Variants in ASXL3 observed in about 807,000 individuals in gnomAD.
ASXL3 encodes ASXL transcriptional regulator 3.
Under a neutral mutation model 170.6 loss-of-function variants are expected in ASXL3, and 34 were observed. The ratio of observed to expected loss-of-function variants is 0.20; its 90% confidence interval spans 0.15 to 0.27. ASXL3 has a LOEUF of 0.27. Ranked by LOEUF, ASXL3 falls within the 10% of genes least tolerant of loss-of-function variation. The pLI is 1.00. For missense variants in ASXL3, 2,592 were observed against 2,695.3 expected, an observed-to-expected ratio of 0.96 and a Z score of 0.85; for synonymous variants, 1,002 against 989.1, an observed-to-expected ratio of 1.01 and a Z score of -0.24.
intron 4 of ASXL3, among the ~76,000 whole-genome samples, chr18:33,657,134 G>A (rs1052001746): frequency 2.0e-5 from 3 of 152,090 alleles, no homozygotes; most frequent in African/African-American, 7.2e-5. Flanking sequence ...TAGGGGAGGA[G>A]CAAGTCTACC....
At chr18:33,705,952 TCAA>T (rs372885537) in intron 8 of ASXL3, among the ~76,000 whole-genome samples, 1 of 151,868 alleles carries the variant, frequency 6.6e-6, no homozygotes, top group African/African-American at 2.4e-5. Flanking sequence ...TTTTTCACCA[TCAA>T]CTACTTTTGT....
At chr18:33,665,414 A>G (rs902084679) in intron 5 of ASXL3, among the ~76,000 whole-genome samples, 34 of 152,228 alleles carry the variant, frequency 2.2e-4, no homozygotes, top group African/African-American at 8.2e-4. Context: ...GGGCATTGAC[A>G]TTTATCACAC....
At chr18:33,661,765 C>G in intron 5 of ASXL3, 28 bp downstream of exon 5, 1 of 1,606,094 alleles carries the variant, frequency 6.2e-7, no homozygotes, top group Non-Finnish European at 8.5e-7. Context: ...TATTCTTTGT[C>G]CTTCAGTTCT....
intron 8 of ASXL3, among the ~76,000 whole-genome samples, chr18:33,731,556 G>A (rs77119207): frequency 0.024 from 3,584 of 152,108 alleles, 156 homozygotes; most frequent in African/African-American, 0.082. Flanking sequence ...TATATTCTCC[G>A]AGCTTTTACA....
chr18:33,640,751 AT>A (rs2065834081), intron 2 of ASXL3, among the ~76,000 whole-genome samples: 1 of 151,936 alleles, frequency 6.6e-6, no homozygotes, highest in South Asian at 2.1e-4. Flanking sequence ...AGCATTATTA[AT>A]TTTTTTGAAA....
chr18:33,724,423 A>G (rs1318835945), intron 8 of ASXL3, among the ~76,000 whole-genome samples: 1 of 152,060 alleles, frequency 6.6e-6, no homozygotes, highest in Non-Finnish European at 1.5e-5. Flanking sequence ...GATCTTAGAA[A>G]CTTATATTCA....
chr18:33,709,070 C>A (rs1423292877), intron 8 of ASXL3, among the ~76,000 whole-genome samples: 1 of 151,976 alleles, frequency 6.6e-6, no homozygotes, highest in Admixed American at 6.6e-5. Flanking sequence ...ATAAATGAAA[C>A]CACAGTGTAA....
intron 2 of ASXL3, among the ~76,000 whole-genome samples, chr18:33,618,337 C>T (rs1432411029): frequency 6.6e-6 from 1 of 151,734 alleles, no homozygotes; most frequent in African/African-American, 2.4e-5. Flanking sequence ...TGCAAGATGT[C>T]TATATGATAT....
chr18:33,698,543 C>G lies in ASXL3; in HGVS notation c.879+14975C>G, dbSNP rs896528362. 3.9e-5 allele frequency among the ~76,000 whole-genome samples: 6 copies of G among 151,946 alleles called. No homozygotes were observed. In the East Asian group the frequency reaches 1.2e-3, roughly 29 times the overall value. On this transcript the variant is annotated intron_variant, in intron 8 of 11. Transcript: ENST00000269197. Reference sequence around the variant, plus strand: ...GGTGGAGTTAAAAGGAATTGGGAACCATTGATGTATGCCTGTTAATTAAAA... The same window carrying G: ...GGTGGAGTTAAAAGGAATTGGGAACGATTGATGTATGCCTGTTAATTAAAA...
intron 4 of ASXL3, among the ~76,000 whole-genome samples, chr18:33,652,264 A>G (rs2066010359): frequency 6.6e-6 from 1 of 152,096 alleles, no homozygotes; most frequent in Non-Finnish European, 1.5e-5. Context: ...CCTAACACAT[A>G]TTAAGTTGAC....
chr18:33,749,058 G>C lies in ASXL3; in HGVS notation c.*2463G>C, dbSNP rs2067843537. 7.0e-6 allele frequency: 1 copy of C among 143,812 alleles called. No individual in the cohort carries two copies. Among genetic ancestry groups the C allele is most frequent in the African/African-American group, 2.6e-5 (1 of 38,528 alleles). 8.9% of individuals were successfully genotyped at this position (143,812 alleles called of 1,614,324 possible). The stretch of plus-strand genomic sequence containing the variant: ...GGATTCTATCATCCAGGTCCGATTA[G>C]CATAATTTTTCTGCGCCCTTTTTTT... On this transcript the variant is annotated 3_prime_UTR_variant, in exon 12 of 12. Transcript: ENST00000269197.
chr18:33,676,179 G>A (rs1162092544), intron 7 of ASXL3, among the ~76,000 whole-genome samples: 1 of 133,194 alleles, frequency 7.5e-6, no homozygotes, highest in Non-Finnish European at 1.5e-5. Context: ...ATCTGAGATG[G>A]CACCACTGCA....
At chr18:33,662,718 AT>A (rs1273531457) in intron 5 of ASXL3, among the ~76,000 whole-genome samples, 1 of 152,120 alleles carries the variant, frequency 6.6e-6, no homozygotes, top group Admixed American at 6.6e-5. Flanking sequence ...TTCTATAACA[AT>A]TCCCCCTTCA....
In ASXL3 at chr18:33,732,141, T is replaced by G. The variant is rs2067460006; in HGVS notation, c.976+77T>G. 9 of 1,187,290 alleles carry G rather than the reference T, an allele frequency of 7.6e-6. No individual in the cohort carries two copies. In the South Asian group the frequency reaches 1.4e-4, roughly 18 times the overall value. The allele number at this position is 1,187,290 out of a possible 1,614,324, so 73.5% of individuals were successfully genotyped here. A position where few individuals can be genotyped will look rare whatever the true frequency, so the allele number is the denominator to read the frequency against. The stretch of plus-strand genomic sequence containing the variant: ...ACTGAGCTTGTACCTTTCTCTGATT[T>G]TTCAGTCTTTTCCCCGACACAGTAC... On this transcript the variant is annotated intron_variant, in intron 9 of 11. Transcript: ENST00000269197.
chr18:33,607,021 C>T (rs7227291), intron 1 of ASXL3, among the ~76,000 whole-genome samples: 2 of 151,676 alleles, frequency 1.3e-5, no homozygotes, highest in African/African-American at 2.4e-5. Flanking sequence ...TAGGCTAAAT[C>T]GGAAGAGGAA....
chr18:33,683,957 A>G (rs2066553123), intron 8 of ASXL3, among the ~76,000 whole-genome samples: 2 of 152,198 alleles, frequency 1.3e-5, no homozygotes, highest in Non-Finnish European at 2.9e-5. Flanking sequence ...ATCCTCAACT[A>G]TTTCCAAAAG....
At chr18:33,703,292 C>G (rs2066907563) in intron 8 of ASXL3, among the ~76,000 whole-genome samples, 4 of 152,128 alleles carry the variant, frequency 2.6e-5, no homozygotes, top group Admixed American at 2.6e-4. Flanking sequence ...GTCTTCCTCT[C>G]TACCTGGACA....
chr18:33,640,145 T>C (rs1276530358), intron 2 of ASXL3, among the ~76,000 whole-genome samples: 1 of 152,056 alleles, frequency 6.6e-6, no homozygotes, highest in Non-Finnish European at 1.5e-5. Context: ...CACTAGTGAT[T>C]GTAGAGAGAC....
chr18:33,613,630 T>C (rs1225356866), intron 2 of ASXL3, among the ~76,000 whole-genome samples: 1 of 152,102 alleles, frequency 6.6e-6, no homozygotes, highest in Non-Finnish European at 1.5e-5. Flanking sequence ...ATTTAAAAAA[T>C]ACTTTATGCT....
Sources: allele counts gnomAD v4.1 joint callset (sites outside exome capture counted in the v4.1 genomes callset), GRCh38; gene constraint gnomAD v4.1.1; transcripts MANE v1.5; gene names NCBI Gene and HGNC (gene_info 2026-07-23, HGNC 2026-07-21).